The following PCDHA1 variants were observed in gnomAD, a reference collection of about 807,000 sequenced individuals.
The protein encoded by PCDHA1 is protocadherin alpha 1.
Under a neutral mutation model 61.3 loss-of-function variants are expected in PCDHA1, and 42 were observed. The ratio of observed to expected loss-of-function variants is 0.69; its 90% CI spans 0.54 to 0.89. The LOEUF (loss-of-function observed/expected upper bound fraction) is 0.89, where lower values mean the gene tolerates loss of function less well. PCDHA1 is among the 40% of genes least tolerant of loss of function. The pLI, the probability that PCDHA1 is intolerant of heterozygous loss-of-function variation, is 0.00. For missense variants in PCDHA1, 1,256 were observed against 1,235.3 expected (o/e 1.02, Z -0.25); for synonymous variants, 610 against 553.8 (o/e 1.10, Z -1.43).
intron 1 of PCDHA1, chr5:140,821,814 C>T (rs139136006): frequency 5.7e-5 from 92 of 1,613,758 alleles, no homozygotes; most frequent in Non-Finnish European, 6.7e-5. Flanking sequence ...GATCCCGGCT[C>T]CTGCTGCTCT....
rs1246162498 is a variant in PCDHA1, at chr5:140,856,839, A to G, written c.2394+68155A>G. ...AACCAAACATTAGTAATACGGCTCA[A>G]CGCTTCTGATTCGGATGAAGGAATA... is the stretch of plus-strand genomic sequence containing the variant. On this transcript the variant is annotated intron_variant, in intron 1 of 3. Coordinates refer to ENST00000504120, the MANE Select transcript of PCDHA1 (RefSeq NM_018900.4). 1.3e-6 allele frequency: 2 copies of G among 1,592,670 alleles called. No homozygotes were observed. The highest frequency in any genetic ancestry group is 1.3e-5 in the African/African-American group (1 of 74,342).
intron 1 of PCDHA1, among the ~76,000 whole-genome samples, chr5:140,935,509 C>T (rs2090411551): frequency 6.6e-6 from 1 of 152,080 alleles, no homozygotes; most frequent in Admixed American, 6.6e-5. Context: ...TTACAAATGC[C>T]CAGTAGGCAT....
intron 1 of PCDHA1, chr5:140,823,360 C>G (rs2150124994): frequency 1.2e-6 from 2 of 1,612,688 alleles, no homozygotes; most frequent in Non-Finnish European, 8.5e-7. Context: ...GGAAGTGGAG[C>G]TGCTGCAGTT....
At chr5:140,894,140 C>T (rs1004427236) in intron 1 of PCDHA1, among the ~76,000 whole-genome samples, 2 of 151,956 alleles carry the variant, frequency 1.3e-5, no homozygotes, top group Admixed American at 6.6e-5. Context: ...GAAATAATTC[C>T]CTTCTATGTA....
At chr5:140,943,275 AAAG>A (rs1197372058) in intron 1 of PCDHA1, among the ~76,000 whole-genome samples, 86 of 137,844 alleles carry the variant, frequency 6.2e-4, no homozygotes, top group African/African-American at 2.2e-3. Flanking sequence ...AAAAAAAAAA[AAAG>A]AAAGAAAGAA....
intron 1 of PCDHA1, chr5:140,850,292 C>A: frequency 6.3e-7 from 1 of 1,596,038 alleles, no homozygotes; most frequent in Non-Finnish European, 8.6e-7. Flanking sequence ...CAGTGGACGC[C>A]GACTCGGGCT....
rs142047105 is a variant in PCDHA1, at chr5:140,842,697, A to T, written c.2394+54013A>T. 6.3e-6 allele frequency: 10 copies of T among 1,595,144 alleles called. 2 individuals are homozygous for T. The highest frequency in any genetic ancestry group is 8.6e-6 in the Non-Finnish European group (10 of 1,165,510). On this transcript the variant is annotated intron_variant, in intron 1 of 3. Transcript: ENST00000504120. ...AATGCTCCGGCGTTCGCGCAGCCCG[A>T]GTACACGGTGTTCGTGAAGGAGAAC... is the stretch of plus-strand genomic sequence containing the variant.
chr5:140,972,589 T>C (rs1258846206), intron 1 of PCDHA1, among the ~76,000 whole-genome samples: 2 of 152,074 alleles, frequency 1.3e-5, no homozygotes, highest in Non-Finnish European at 2.9e-5. Flanking sequence ...AGAATTTCTC[T>C]TTGGAAATTT....
chr5:140,841,597 C>A, intron 1 of PCDHA1: 1 of 1,614,076 alleles, frequency 6.2e-7, no homozygotes, highest in Admixed American at 1.7e-5. Flanking sequence ...GGATCGACCG[C>A]GAGGAGCTGT....
intron 1 of PCDHA1, chr5:140,968,708 A>G: frequency 1.2e-6 from 2 of 1,614,126 alleles, no homozygotes; most frequent in Non-Finnish European, 1.7e-6. Flanking sequence ...TACCAGGAAG[A>G]TGGGAGATGA....
intron 1 of PCDHA1, among the ~76,000 whole-genome samples, chr5:140,827,179 C>T (rs1458570601): frequency 2.6e-5 from 4 of 152,026 alleles, no homozygotes; most frequent in Non-Finnish European, 4.4e-5. Context: ...CAATAAAAGT[C>T]TTATTCAAAA....
At chr5:140,928,309 G>A (rs1554205732) in intron 1 of PCDHA1, 1 of 1,614,122 alleles carries the variant, frequency 6.2e-7, no homozygotes, top group Non-Finnish European at 8.5e-7. Context: ...CCAGGACCCC[G>A]ACCTGGGGAA....
chr5:140,815,774 T>G (rs1765791650), intron 1 of PCDHA1: 1 of 152,220 alleles, frequency 6.6e-6, no homozygotes, highest in Admixed American at 6.5e-5. Context: ...AGTCTAATTG[T>G]GATCACCTTC....
chr5:140,952,327 A>G (rs1407008388), intron 1 of PCDHA1, among the ~76,000 whole-genome samples: 2 of 134,678 alleles, frequency 1.5e-5, no homozygotes, highest in Non-Finnish European at 1.6e-5. Flanking sequence ...AACAAGAGTG[A>G]AACTCCATCT....
chr5:140,871,643 C>G (rs1432039358), intron 1 of PCDHA1: 1 of 1,293,296 alleles, frequency 7.7e-7, no homozygotes, highest in Admixed American at 2.9e-5. Flanking sequence ...TCATAAAATA[C>G]CAAATGATAC....
At chr5:140,908,185 G>C (rs1399259532) in intron 1 of PCDHA1, among the ~76,000 whole-genome samples, 1 of 152,148 alleles carries the variant, frequency 6.6e-6, no homozygotes, top group East Asian at 1.9e-4. Flanking sequence ...TCCACTTTCA[G>C]GTGGTGGACA....
At chr5:140,870,401 C>A in intron 1 of PCDHA1, 1 of 1,614,252 alleles carries the variant, frequency 6.2e-7, no homozygotes, top group Non-Finnish European at 8.5e-7. Context: ...GGTTCGCCTT[C>A]TCTGTGGGCC....
chr5:141,000,361 G>C (rs1253295818), intron 3 of PCDHA1, among the ~76,000 whole-genome samples: 2 of 26,450 alleles, frequency 7.6e-5, no homozygotes, highest in Non-Finnish European at 1.2e-4. Context: ...GTCTCTCTCT[G>C]TCTCTCTCTC....
intron 1 of PCDHA1, among the ~76,000 whole-genome samples, chr5:140,833,122 G>T (rs1772311548): frequency 6.6e-6 from 1 of 152,190 alleles, no homozygotes; most frequent in Non-Finnish European, 1.5e-5. Context: ...AAAGTCATTT[G>T]AAAGCTGTCA....
Sources: allele counts gnomAD v4.1 joint callset (sites outside exome capture counted in the v4.1 genomes callset), GRCh38; gene constraint gnomAD v4.1.1; transcripts MANE v1.5; gene names NCBI Gene and HGNC (gene_info 2026-07-23, HGNC 2026-07-21).